Variants in PCDH15 observed in about 807,000 individuals in gnomAD.
PCDH15 encodes the protein protocadherin-15.
In PCDH15, 129 loss-of-function variants were observed where a neutral mutation model predicts 178.5. That is an observed-to-expected ratio of 0.72 (90% confidence interval 0.63 to 0.84). The LOEUF (loss-of-function observed/expected upper bound fraction) is 0.84. Among genes scored for constraint, PCDH15 ranks in the 40% least tolerant of loss-of-function variants. The pLI is 0.00. For synonymous variants in PCDH15, 800 were observed against 732.0 expected, an observed-to-expected ratio of 1.09 and a Z score of -1.50; for missense variants, 2,230 against 2,099.9, an observed-to-expected ratio of 1.06 and a Z score of -1.21.
At chr10:54,716,980 G>C (rs543484660) in intron 1 of PCDH15, among the ~76,000 whole-genome samples, 11 of 148,770 alleles carry the variant, frequency 7.4e-5, no homozygotes, top group African/African-American at 2.3e-4. Context: ...TCTGATCTTT[G>C]ACAAACCTGA....
intron 11 of PCDH15, among the ~76,000 whole-genome samples, chr10:54,194,556 T>C (rs1002058817): frequency 6.6e-6 from 1 of 152,050 alleles, no homozygotes; most frequent in African/African-American, 2.4e-5. Flanking sequence ...ATCTTTTACA[T>C]ATAGTTATGC....
intron 8 of PCDH15, among the ~76,000 whole-genome samples, chr10:54,285,138 G>C (rs781359902): frequency 1.3e-5 from 2 of 151,984 alleles, no homozygotes; most frequent in Non-Finnish European, 2.9e-5. Flanking sequence ...ATACTTGTTT[G>C]GAATTCATTT....
intron 2 of PCDH15, among the ~76,000 whole-genome samples, chr10:55,002,008 G>A (rs573084614): frequency 6.6e-6 from 1 of 152,284 alleles, no homozygotes; most frequent in African/African-American, 2.4e-5. Context: ...GGGCCTTCAT[G>A]TGTCTTCATG....
At chr10:54,103,977 C>T (rs911272736) in intron 15 of PCDH15, among the ~76,000 whole-genome samples, 1 of 152,112 alleles carries the variant, frequency 6.6e-6, no homozygotes, top group African/African-American at 2.4e-5. Context: ...TAGCACACTT[C>T]CTCATGGGTC....
chr10:53,871,735 G>GTTTTT (rs1219472135), intron 26 of PCDH15, among the ~76,000 whole-genome samples: 3 of 150,342 alleles, frequency 2.0e-5, no homozygotes, highest in Admixed American at 6.6e-5. Context: ...GTTTTGTTTT[G>GTTTTT]TTTTGTTTTG....
intron 2 of PCDH15, among the ~76,000 whole-genome samples, chr10:55,495,994 G>A (rs1325308884): frequency 6.6e-6 from 1 of 151,828 alleles, no homozygotes; most frequent in Non-Finnish European, 1.5e-5. Flanking sequence ...AAGTAGACTG[G>A]TGGTTTCTTA....
At chr10:55,490,287 G>A (rs372564198) in intron 2 of PCDH15, among the ~76,000 whole-genome samples, 11 of 151,778 alleles carry the variant, frequency 7.2e-5, no homozygotes, top group African/African-American at 1.2e-4. Flanking sequence ...TTTGCAAGAC[G>A]GAGAAATGAA....
chr10:53,831,151 T>C (rs759767878), intron 30 of PCDH15, 164 bp downstream of exon 30: 1 of 797,582 alleles, frequency 1.3e-6, no homozygotes, highest in Admixed American at 1.7e-5. Context: ...TTGTACTGTT[T>C]TCCTTTTGAA....
chr10:55,545,614 T>G (rs1275035912), intron 2 of PCDH15, among the ~76,000 whole-genome samples: 1 of 151,790 alleles, frequency 6.6e-6, no homozygotes, highest in African/African-American at 2.4e-5. Context: ...TTTCACCATG[T>G]TGGCCAGACT....
chr10:55,382,194 T>C (rs938087283), intron 2 of PCDH15, among the ~76,000 whole-genome samples: 1 of 152,166 alleles, frequency 6.6e-6, no homozygotes, highest in Non-Finnish European at 1.5e-5. Context: ...TGCCTTGTTT[T>C]TACTTTATTA....
intron 3 of PCDH15, among the ~76,000 whole-genome samples, chr10:54,424,386 T>C (rs1194595236): frequency 6.6e-6 from 1 of 151,682 alleles, no homozygotes; most frequent in African/African-American, 2.4e-5. Context: ...TATGGAGAAA[T>C]AGGAACACTT....
chr10:54,950,263 C>T (rs528429640), intron 2 of PCDH15, among the ~76,000 whole-genome samples: 12 of 152,052 alleles, frequency 7.9e-5, no homozygotes, highest in African/African-American at 2.2e-4. Flanking sequence ...CTTCACAAGG[C>T]AGCAGTAAAC....
At chr10:55,341,821 T>A (rs1482447730) in intron 2 of PCDH15, among the ~76,000 whole-genome samples, 5 of 94,100 alleles carry the variant, frequency 5.3e-5, no homozygotes, top group African/African-American at 2.0e-4. Context: ...TTTTTTTTTT[T>A]TTTTTTTTTT....
intron 5 of PCDH15, among the ~76,000 whole-genome samples, chr10:54,357,192 A>G (rs1412463664): frequency 2.6e-5 from 4 of 152,122 alleles, no homozygotes; most frequent in Admixed American, 6.6e-5. Context: ...AATAAAGGGT[A>G]TTCAATTAGG....
At chr10:55,337,410 G>C (rs1372793899) in intron 2 of PCDH15, among the ~76,000 whole-genome samples, 9 of 152,136 alleles carry the variant, frequency 5.9e-5, no homozygotes, top group Admixed American at 5.9e-4. Flanking sequence ...TGCCTGATGT[G>C]TTATCCCTTG....
At chr10:54,150,685 G>C (rs1332838561) in intron 14 of PCDH15, among the ~76,000 whole-genome samples, 1 of 151,270 alleles carries the variant, frequency 6.6e-6, no homozygotes, top group Non-Finnish European at 1.5e-5. Flanking sequence ...ACCAAATTCA[G>C]TCTCATTTAT....
chr10:54,526,650 T>A (rs1309821490), intron 3 of PCDH15, among the ~76,000 whole-genome samples: 1 of 152,220 alleles, frequency 6.6e-6, no homozygotes, highest in Non-Finnish European at 1.5e-5. Flanking sequence ...AGGATAGATT[T>A]TAAAAACATA....
At chr10:55,542,738 T>C (rs558949167) in intron 2 of PCDH15, among the ~76,000 whole-genome samples, 11 of 15,428 alleles carry the variant, frequency 7.1e-4, no homozygotes, top group African/African-American at 3.8e-3. Flanking sequence ...TACAGACATA[T>C]GTATGTGTCT....
At chr10:54,033,225 C>T (rs2093341412) in intron 18 of PCDH15, among the ~76,000 whole-genome samples, 1 of 151,848 alleles carries the variant, frequency 6.6e-6, no homozygotes, top group Non-Finnish European at 1.5e-5. Context: ...TTTTAACAGT[C>T]TATTCTAGCA....
Sources: allele counts gnomAD v4.1 joint callset (sites outside exome capture counted in the v4.1 genomes callset), GRCh38; gene constraint gnomAD v4.1.1; transcripts MANE v1.5; gene names NCBI Gene and HGNC (gene_info 2026-07-23, HGNC 2026-07-21).